INF2: variants seen among roughly 807,000 people sequenced by gnomAD.
INF2 encodes inverted formin 2.
A neutral mutation model predicts 123.5 loss-of-function variants in INF2; 43 were observed. The observed-to-expected ratio is 0.35, with a 90% CI of 0.27 to 0.45. The LOEUF (loss-of-function observed/expected upper bound fraction) is 0.45, where lower values mean the gene tolerates loss of function less well. INF2 is among the 20% of genes least tolerant of loss of function. The probability of loss-of-function intolerance (pLI) is 1.00; values close to 1 mark genes in which losing one functional copy is unlikely to be tolerated. For synonymous variants in INF2, 851 were observed against 745.0 expected (o/e 1.14, Z -2.32); for missense variants, 1,453 against 1,682.7 (o/e 0.86, Z 2.39).
At position 104,709,475 on chromosome 14, in the gene INF2, G is replaced by A. The variant is rs1889942119; in HGVS notation, c.2052+92G>A. 1.1e-4 allele frequency: 135 copies of A among 1,284,934 alleles called. 3 individuals are homozygous for A. The South Asian group carries it at 1.4e-3, about 14-fold the overall frequency. The allele number at this position is 1,284,934 out of a possible 1,614,324, so 79.6% of individuals were successfully genotyped here. A position where few individuals can be genotyped will look rare whatever the true frequency, so the allele number is the denominator to read the frequency against. ...GGGCTCCCAGCAGGGAGACAGAGAA[G>A]GGAGGCATCCCAGCCCTACCTCTGC... On this transcript the variant is annotated intron_variant, in intron 11 of 22. Coordinates refer to ENST00000392634, the MANE Select transcript of INF2 (RefSeq NM_022489.4).
At chr14:104,682,910 C>G (rs1888562337) in intron 1 of INF2, among the ~76,000 whole-genome samples, 2 of 152,024 alleles carry the variant, frequency 1.3e-5, no homozygotes, top group Admixed American at 1.3e-4. Context: ...GTGCATGCAG[C>G]CTGCGCTAGT....
chr14:104,701,330 T>C, intron 1 of INF2, 27 bp from the exon 2 acceptor site: 2 of 1,549,928 alleles, frequency 1.3e-6, no homozygotes, highest in Non-Finnish European at 1.7e-6. Context: ...CCCTCCCCGC[T>C]GACGGCTCCC....
At position 104,719,376 on chromosome 14, in the gene INF2, C is replaced by T. The variant is rs1890463803; in HGVS notation, c.*583C>T. On this transcript the variant is annotated 3_prime_UTR_variant, in exon 23 of 23. Coordinates refer to ENST00000392634, the MANE Select transcript of INF2 (RefSeq NM_022489.4). ...CCACTGCCAGGCCTCTGCCCTGCAG[C>T]TGAAACTTGGCCATCACATCAACAG... 6.5e-6 allele frequency: 1 copy of T among 152,856 alleles called. No homozygotes were observed. The highest frequency in any genetic ancestry group is 2.4e-5 in the African/African-American group (1 of 41,466). The allele number at this position is 152,856 out of a possible 1,614,324, so 9.5% of individuals were successfully genotyped here.
chr14:104,714,738 C>T lies in INF2; in HGVS notation c.3576C>T (p.Ser1192=). 1 of 1,603,198 alleles carries T rather than the reference C, an allele frequency of 6.2e-7. No individual in the cohort carries two copies. The highest frequency in any genetic ancestry group is 8.5e-7 in the Non-Finnish European group (1 of 1,174,462). ...CACTGGACACATCCCTGGACAAGTC[C>T]TTCTCCGAGGATGCGGTGACCGACT... ...ESALDTSLDK[S]FSEDAVTDSS... The change falls in exon 21 of 23, where the codon TCC becomes TCT. Residue 1192 remains serine (S), a synonymous_variant. Transcript: ENST00000392634.
Position 104,707,685 on chromosome 14 carries a change from C to A in INF2, c.1418C>A (p.Ala473Glu). 1.0e-6 allele frequency: 1 copy of A among 1,004,418 alleles called. No homozygotes were observed. The highest frequency in any genetic ancestry group is 1.5e-6 in the Non-Finnish European group (1 of 675,418). The allele number at this position is 1,004,418 out of a possible 1,614,324, so 62.2% of individuals were successfully genotyped here. A position where few individuals can be genotyped will look rare whatever the true frequency, so the allele number is the denominator to read the frequency against. ...GGCCTGGGGGCCATGGCCCCCCCAG[C>A]ACCTCCTCTACCACCACCCCTGCCA... ...LPGLGAMAPP[A>E]PPLPPPLPGS... The change falls in exon 8 of 23, where the codon GCA (alanine) becomes GAA (glutamate). Residue 473 changes from alanine (A) to glutamate (E), a missense_variant. Coordinates refer to ENST00000392634, the MANE Select transcript of INF2 (RefSeq NM_022489.4).
intron 1 of INF2, among the ~76,000 whole-genome samples, chr14:104,693,770 T>G (rs1482765021): frequency 6.6e-6 from 1 of 152,162 alleles, no homozygotes; most frequent in Non-Finnish European, 1.5e-5. Flanking sequence ...CCCACTGGCC[T>G]CCATCTCCCC....
At chr14:104,701,780 G>A in intron 2 of INF2, 24 bp downstream of exon 2, 5 of 1,464,568 alleles carry the variant, frequency 3.4e-6, no homozygotes, top group South Asian at 1.4e-5. Context: ...TGGGAGGGCC[G>A]CCCAGGCGGA....
At chr14:104,712,218 G>C (rs1327385378) in intron 16 of INF2, among the ~76,000 whole-genome samples, 1 of 152,156 alleles carries the variant, frequency 6.6e-6, no homozygotes, top group Admixed American at 6.5e-5. Flanking sequence ...AGGCAAGCAG[G>C]ACAGGCTGAC....
intron 2 of INF2, 111 bp downstream of exon 2, chr14:104,701,867 C>T (rs1889524980): frequency 1.6e-6 from 2 of 1,241,538 alleles, no homozygotes; most frequent in Admixed American, 5.8e-5. Flanking sequence ...GAAGCGCAGC[C>T]AGGCAGGCAA....
In INF2 at chr14:104,707,768, C is replaced by A. The variant is rs1351932520; in HGVS notation, c.1501C>A (p.Pro501Thr). ...PPPLPGLGCP[P>T]PPPPLLPGMG... Reference sequence around the variant, plus strand: ...ACCACTCCCGGGCTTGGGATGCCCGCCCCCACCCCCACCCCTGCTGCCTGG... The same window carrying A: ...ACCACTCCCGGGCTTGGGATGCCCGACCCCACCCCCACCCCTGCTGCCTGG... The change falls in exon 8 of 23, where the codon CCC (proline) becomes ACC (threonine). Residue 501 changes from proline (P) to threonine (T), a missense_variant. Physicochemically the swap from Pro to Thr is conservative, Grantham distance 38. Transcript: ENST00000392634. 2.4e-6 allele frequency: 3 copies of A among 1,244,516 alleles called. No homozygotes were observed. The highest frequency in any genetic ancestry group is 1.3e-5 in the South Asian group (1 of 77,586). 77.1% of individuals were successfully genotyped at this position (1,244,516 alleles called of 1,614,324 possible).
At chr14:104,706,304 C>T in intron 6 of INF2, 128 bp downstream of exon 6, 2 of 1,022,114 alleles carry the variant, frequency 2.0e-6, no homozygotes, top group Non-Finnish European at 2.8e-6. Flanking sequence ...GCCATGGTGC[C>T]AGCTTTGGGG....
At chr14:104,715,967 C>T (rs1409802350) in intron 22 of INF2, 6 of 455,886 alleles carry the variant, frequency 1.3e-5, no homozygotes, top group Non-Finnish European at 2.6e-5. Context: ...CAGATTACCC[C>T]CCGCACACCG....
intron 15 of INF2, 127 bp from the exon 16 acceptor site, chr14:104,711,502 G>C: frequency 2.4e-6 from 2 of 823,512 alleles, no homozygotes; most frequent in Non-Finnish European, 4.2e-6. Context: ...AAGATTTGAG[G>C]GTCTGGAGTA....
chr14:104,683,936 C>T (rs7153053), intron 1 of INF2: 191,717 of 412,904 alleles, frequency 0.46, 45,909 homozygotes, highest in East Asian at 0.66. Flanking sequence ...GGTTGGGGTG[C>T]GGGTGGGTCT....
intron 1 of INF2, among the ~76,000 whole-genome samples, chr14:104,694,725 G>C (rs1889106423): frequency 6.6e-6 from 1 of 152,164 alleles, no homozygotes. Context: ...GGGTGCGCAG[G>C]CTCAGCCTCT....
At chr14:104,691,387 A>C (rs1888944173) in intron 1 of INF2, 1 of 152,160 alleles carries the variant, frequency 6.6e-6, no homozygotes, top group Admixed American at 6.5e-5. Flanking sequence ...GGGGACAGTG[A>C]AGTAAGCTCA....
intron 10 of INF2, 55 bp downstream of exon 10, chr14:104,708,787 G>C: frequency 6.3e-7 from 1 of 1,577,242 alleles, no homozygotes; most frequent in South Asian, 1.1e-5. Flanking sequence ...CTCCACCTGA[G>C]CCTTCTGACT....
intron 11 of INF2, 28 bp from the exon 12 acceptor site, chr14:104,709,592 A>T (rs1483392403): frequency 6.3e-7 from 1 of 1,586,390 alleles, no homozygotes; most frequent in South Asian, 1.1e-5. Context: ...GCATGGGGGG[A>T]TCCCACATGC....
upstream of INF2, among the ~76,000 whole-genome samples, chr14:104,686,931 A>C (rs1030516867): frequency 6.6e-6 from 1 of 152,226 alleles, no homozygotes; most frequent in Middle Eastern, 3.2e-3. Flanking sequence ...AGCTCTCCAC[A>C]GGCCTACAGT....
Sources: gnomAD v4.1 joint callset for allele counts (sites outside exome capture counted in the v4.1 genomes callset) on GRCh38, gnomAD v4.1.1 for gene constraint, MANE v1.5 for transcripts, NCBI Gene and HGNC (gene_info 2026-07-23, HGNC 2026-07-21) for gene names.